The following ADAM2 variants were observed in gnomAD, a reference collection of about 807,000 sequenced individuals.
ADAM2 encodes the protein disintegrin and metalloproteinase domain-containing protein 2.
Under a neutral mutation model 99.3 loss-of-function variants are expected in ADAM2, and 101 were observed. The observed-to-expected ratio is 1.02, with a 90% CI of 0.87 to 1.20. ADAM2 has a LOEUF of 1.20. Among genes scored for constraint, ADAM2 ranks in the 50% most tolerant of loss-of-function variants. The pLI is 0.00. For missense variants in ADAM2, 948 were observed against 878.7 expected (o/e 1.08, Z -1.00); for synonymous variants, 323 against 287.6 (o/e 1.12, Z -1.25).
intron 7 of ADAM2, among the ~76,000 whole-genome samples, chr8:39,790,491 GT>G (rs1333339721): frequency 6.6e-6 from 1 of 151,926 alleles, no homozygotes; most frequent in Non-Finnish European, 1.5e-5. Flanking sequence ...TGTTCAAAAA[GT>G]AAATTAGTGA....
intron 7 of ADAM2, among the ~76,000 whole-genome samples, chr8:39,809,022 C>T (rs117350006): frequency 0.015 from 2,291 of 152,132 alleles, 28 homozygotes; most frequent in Non-Finnish European, 0.023. Flanking sequence ...ACCTTTCATC[C>T]CCAGTATAAG....
chr8:39,784,012 A>G (rs1458114373), intron 10 of ADAM2, among the ~76,000 whole-genome samples: 1 of 152,180 alleles, frequency 6.6e-6, no homozygotes, highest in Admixed American at 6.5e-5. Flanking sequence ...GTACTCAACC[A>G]AAAACTACTT....
At chr8:39,815,155 A>C (rs897297815) in intron 6 of ADAM2, among the ~76,000 whole-genome samples, 1 of 152,114 alleles carries the variant, frequency 6.6e-6, no homozygotes. Flanking sequence ...CAGGATGGAT[A>C]GTTCCACTTA....
chr8:39,783,018 C>G (rs1803297429), intron 10 of ADAM2, among the ~76,000 whole-genome samples: 2 of 152,028 alleles, frequency 1.3e-5, no homozygotes, highest in Non-Finnish European at 2.9e-5. Context: ...AATGCACTAC[C>G]TCTCAGCTCT....
intron 6 of ADAM2, among the ~76,000 whole-genome samples, chr8:39,820,490 G>T (rs905435710): frequency 6.6e-6 from 1 of 152,034 alleles, no homozygotes; most frequent in Non-Finnish European, 1.5e-5. Flanking sequence ...TGAAGCTGGG[G>T]CTATAAAACT....
At chr8:39,806,105 A>G (rs1804425801) in intron 7 of ADAM2, among the ~76,000 whole-genome samples, 1 of 152,192 alleles carries the variant, frequency 6.6e-6, no homozygotes, top group African/African-American at 2.4e-5. Flanking sequence ...CTGCCTGGAT[A>G]TTGAATACTT....
intron 7 of ADAM2, among the ~76,000 whole-genome samples, chr8:39,800,867 G>C (rs1365030998): frequency 6.6e-6 from 1 of 152,104 alleles, no homozygotes; most frequent in Non-Finnish European, 1.5e-5. Flanking sequence ...GTGTTTTTCA[G>C]CTCCATCAGA....
chr8:39,801,835 T>C (rs1261554947), intron 7 of ADAM2, among the ~76,000 whole-genome samples: 1 of 152,106 alleles, frequency 6.6e-6, no homozygotes, highest in East Asian at 1.9e-4. Flanking sequence ...TGGGAACAAA[T>C]CTTGGGAACA....
At chr8:39,763,700 C>T (rs556200135) in intron 14 of ADAM2, among the ~76,000 whole-genome samples, 2 of 152,306 alleles carry the variant, frequency 1.3e-5, no homozygotes, top group South Asian at 4.1e-4. Flanking sequence ...GCTATCAGAG[C>T]GTACTTTGCT....
At chr8:39,746,005 ATG>A (rs1046652586) in intron 19 of ADAM2, among the ~76,000 whole-genome samples, 13 of 111,280 alleles carry the variant, frequency 1.2e-4, no homozygotes, top group African/African-American at 3.8e-4. Flanking sequence ...GTGTGTGTGC[ATG>A]TGTGTGTGTG....
At chr8:39,783,441 G>T (rs950640397) in intron 10 of ADAM2, among the ~76,000 whole-genome samples, 2 of 151,632 alleles carry the variant, frequency 1.3e-5, no homozygotes, top group African/African-American at 2.4e-5. Context: ...GTAATTATAT[G>T]CATACAACAT....
chr8:39,785,514 G>A (rs1442850212), intron 10 of ADAM2, among the ~76,000 whole-genome samples: 9 of 152,172 alleles, frequency 5.9e-5, no homozygotes, highest in Admixed American at 5.9e-4. Flanking sequence ...CCTATTACTG[G>A]GTATATACTC....
At chr8:39,834,111 AAGG>A (rs1248588029) in intron 2 of ADAM2, 112 bp from the exon 3 acceptor site, 14 of 579,854 alleles carry the variant, frequency 2.4e-5, no homozygotes. Flanking sequence ...CATTTAATAA[AAGG>A]AGAAAAAATA....
intron 6 of ADAM2, among the ~76,000 whole-genome samples, chr8:39,814,184 C>T (rs1804832160): frequency 6.6e-6 from 1 of 151,868 alleles, no homozygotes; most frequent in African/African-American, 2.4e-5. Flanking sequence ...ATGGCAAAAC[C>T]CTGTCTCTAC....
intron 9 of ADAM2, among the ~76,000 whole-genome samples, chr8:39,787,689 A>G (rs1803529776): frequency 6.6e-6 from 1 of 151,698 alleles, no homozygotes; most frequent in Non-Finnish European, 1.5e-5. Flanking sequence ...TAGAGATATT[A>G]AAACATAGTG....
In ADAM2 at chr8:39,821,321, A is replaced by G. The variant is rs889748679; in HGVS notation, c.345-151T>C. 6.2e-6 allele frequency: 4 copies of G among 641,946 alleles called. No individual in the cohort carries two copies. In the African/African-American group the frequency reaches 7.3e-5, roughly 12 times the overall value. 39.8% of individuals were successfully genotyped at this position (641,946 alleles called of 1,614,324 possible). On this transcript the variant is annotated intron_variant, in intron 5 of 20. Transcript: ENST00000265708. ...TAGGAGAAAGTTACTGGGTATCCAC[A>G]AACTTACTGAGTGACACCGCATAGT... is the stretch of plus-strand genomic sequence containing the variant.
chr8:39,834,035 G>GAA, intron 2 of ADAM2, 36 bp from the exon 3 acceptor site: 1 of 1,187,252 alleles, frequency 8.4e-7, no homozygotes, highest in Non-Finnish European at 1.2e-6. Flanking sequence ...CAAAGAAAAT[G>GAA]AAAAAAAATG....
At chr8:39,745,129 A>C (rs1490370863) in intron 19 of ADAM2, among the ~76,000 whole-genome samples, 1 of 152,196 alleles carries the variant, frequency 6.6e-6, no homozygotes, top group African/African-American at 2.4e-5. Context: ...TTTACCCGAA[A>C]AGAAACTTAG....
intron 3 of ADAM2, 104 bp downstream of exon 3, chr8:39,833,840 A>T: frequency 1.4e-6 from 1 of 714,746 alleles, no homozygotes; most frequent in Non-Finnish European, 2.4e-6. Context: ...AATGGCAAGA[A>T]GCTAGAAATA....
Sources: gnomAD v4.1 joint callset for allele counts (sites outside exome capture counted in the v4.1 genomes callset) on GRCh38, gnomAD v4.1.1 for gene constraint, MANE v1.5 for transcripts, NCBI Gene and HGNC (gene_info 2026-07-23, HGNC 2026-07-21) for gene names.